LDLRAD4: variants seen among roughly 807,000 people sequenced by gnomAD.
LDLRAD4 encodes the protein low-density lipoprotein receptor class A domain-containing protein 4.
A neutral mutation model predicts 17.0 loss-of-function variants in LDLRAD4; 5 were observed. The ratio of observed to expected loss-of-function variants is 0.29; its 90% CI spans 0.15 to 0.62. The LOEUF (loss-of-function observed/expected upper bound fraction) is 0.62. LDLRAD4 is among the 20% of genes least tolerant of loss of function. The pLI, the probability that LDLRAD4 is intolerant of heterozygous loss-of-function variation, is 0.84. For synonymous variants in LDLRAD4, 168 were observed against 171.8 expected (o/e 0.98, Z 0.17); for missense variants, 340 against 424.7 (o/e 0.80, Z 1.75).
intron 3 of LDLRAD4, among the ~76,000 whole-genome samples, chr18:13,441,728 G>A (rs2091034169): frequency 6.6e-6 from 1 of 152,200 alleles, no homozygotes; most frequent in Non-Finnish European, 1.5e-5. Flanking sequence ...TGTAAAGCCA[G>A]CAATACTAAG....
intron 1 of LDLRAD4, among the ~76,000 whole-genome samples, chr18:13,347,824 A>C (rs1006784355): frequency 3.6e-4 from 55 of 151,912 alleles, no homozygotes; most frequent in African/African-American, 1.2e-3. Flanking sequence ...CATTCATTTG[A>C]TCTTCCGTCA....
chr18:13,473,636 CATATATATATATAT>C (rs71366054), intron 3 of LDLRAD4, among the ~76,000 whole-genome samples: 23 of 28,750 alleles, frequency 8.0e-4, no homozygotes, highest in Admixed American at 2.6e-3. Flanking sequence ...GATCCCATCT[CATATATATATATAT>C]ATATATATAT....
intron 3 of LDLRAD4, among the ~76,000 whole-genome samples, chr18:13,445,423 G>A (rs56189881): frequency 0.2 from 29,899 of 151,916 alleles, 3,374 homozygotes; most frequent in East Asian, 0.26. Flanking sequence ...GCATGCATGC[G>A]TGGGTGTGCC....
At chr18:13,400,277 T>A (rs1435057506) in intron 2 of LDLRAD4, among the ~76,000 whole-genome samples, 1 of 152,238 alleles carries the variant, frequency 6.6e-6, no homozygotes, top group Non-Finnish European at 1.5e-5. Context: ...AGAGAGGGAA[T>A]CATGCAAGGT....
chr18:13,316,760 A>T (rs1207773497), intron 1 of LDLRAD4, among the ~76,000 whole-genome samples: 2 of 152,210 alleles, frequency 1.3e-5, no homozygotes, highest in African/African-American at 4.8e-5. Context: ...CTCCAAAGTA[A>T]CCACTAAAAT....
At chr18:13,313,822 G>A (rs543623877) in intron 1 of LDLRAD4, among the ~76,000 whole-genome samples, 2 of 129,274 alleles carry the variant, frequency 1.5e-5, no homozygotes, top group East Asian at 5.0e-4. Context: ...ACAGCCGTGT[G>A]CGGGGGGGTG....
At chr18:13,534,381 G>A (rs2094172157) in intron 3 of LDLRAD4, among the ~76,000 whole-genome samples, 1 of 152,126 alleles carries the variant, frequency 6.6e-6, no homozygotes, top group African/African-American at 2.4e-5. Context: ...AAATCACCCT[G>A]TGTTTCCCCC....
chr18:13,426,911 T>C (rs1052628543), intron 2 of LDLRAD4, among the ~76,000 whole-genome samples: 1 of 152,260 alleles, frequency 6.6e-6, no homozygotes, highest in South Asian at 2.1e-4. Flanking sequence ...GAAGGCCAGG[T>C]GCAGTGGCTC....
intron 1 of LDLRAD4, chr18:13,240,929 T>C (rs545844586): frequency 3.4e-4 from 52 of 152,624 alleles, no homozygotes; most frequent in African/African-American, 1.3e-3. Flanking sequence ...TTCTTTTCTT[T>C]TCTTTTCTTT....
chr18:13,613,977 C>G (rs1161745240), intron 3 of LDLRAD4: 3 of 152,194 alleles, frequency 2.0e-5, no homozygotes, highest in African/African-American at 7.2e-5. Context: ...TTCTCAGTGA[C>G]AGATCACACC....
intron 2 of LDLRAD4, among the ~76,000 whole-genome samples, chr18:13,433,121 A>C (rs1399417616): frequency 6.6e-5 from 10 of 152,362 alleles, no homozygotes; most frequent in African/African-American, 2.2e-4. Context: ...AGGAAATGTA[A>C]ACTTACATTG....
At chr18:13,438,383 C>T in exon 3 of LDLRAD4, 2 of 1,613,590 alleles carry the variant, frequency 1.2e-6, no homozygotes, top group Non-Finnish European at 8.5e-7. Flanking sequence ...GCATCTTCAA[C>T]TGTAAGTCTC....
intron 3 of LDLRAD4, among the ~76,000 whole-genome samples, chr18:13,508,806 A>G (rs939144937): frequency 2.6e-5 from 4 of 152,352 alleles, no homozygotes; most frequent in Non-Finnish European, 4.4e-5. Context: ...TGCTAACACA[A>G]CATCCACTCT....
Position 13,300,358 on chromosome 18 carries a change from G to A in LDLRAD4, c.-383+22170G>A, listed in dbSNP as rs1567982343. ...GGCAGAACAGATGGCAGTGGTGAGG[G>A]CTGGAGCCCTCTGCAGGGCCTGGGA... On this transcript the variant is annotated intron_variant, in intron 1 of 5. Transcript: ENST00000359446. This position sits in a 1 kb window ranked among gnomAD's most constrained non-coding sequence, Gnocchi z 4.2. Among the ~76,000 whole-genome samples the A allele has an allele frequency of 6.6e-6, 1 of 152,348 alleles. No homozygotes were observed. The highest frequency in any genetic ancestry group is 1.9e-4 in the East Asian group (1 of 5,188).
At chr18:13,410,120 G>A (rs1365635389) in intron 2 of LDLRAD4, among the ~76,000 whole-genome samples, 1 of 152,146 alleles carries the variant, frequency 6.6e-6, no homozygotes, top group Non-Finnish European at 1.5e-5. Context: ...CACTGGACCA[G>A]CAGTTTTCAA....
chr18:13,573,297 G>A (rs937706899), intron 3 of LDLRAD4, among the ~76,000 whole-genome samples: 1 of 151,564 alleles, frequency 6.6e-6, no homozygotes, highest in Non-Finnish European at 1.5e-5. Flanking sequence ...TAGAGATGAA[G>A]TTTTGCCTTG....
chr18:13,424,265 C>T (rs530476379), intron 2 of LDLRAD4, among the ~76,000 whole-genome samples: 45 of 152,214 alleles, frequency 3.0e-4, no homozygotes, highest in African/African-American at 9.9e-4. Flanking sequence ...TGGCTTTACA[C>T]GACTAATGGG....
chr18:13,281,409 C>T (rs531565029), intron 1 of LDLRAD4, among the ~76,000 whole-genome samples: 9 of 152,142 alleles, frequency 5.9e-5, no homozygotes. Context: ...CTCCACCCCC[C>T]TCAAAACAAA....
intron 1 of LDLRAD4, among the ~76,000 whole-genome samples, chr18:13,320,861 C>T (rs947541685): frequency 1.3e-5 from 2 of 152,184 alleles, no homozygotes; most frequent in Admixed American, 6.5e-5. Flanking sequence ...GAGTTCAAAG[C>T]CTAACAGGAT....
Sources: gnomAD v4.1 joint callset for allele counts (sites outside exome capture counted in the v4.1 genomes callset) on GRCh38, gnomAD v4.1.1 for gene constraint, Gnocchi (gnomAD v3.1) non-coding constraint, MANE v1.5 for transcripts, NCBI Gene and HGNC (gene_info 2026-07-23, HGNC 2026-07-21) for gene names.